C8orf34: variants seen among roughly 807,000 people sequenced by gnomAD.
C8orf34 encodes chromosome 8 open reading frame 34.
Under a neutral mutation model 68.3 loss-of-function variants are expected in C8orf34, and 65 were observed. The observed-to-expected ratio is 0.95, with a 90% CI of 0.78 to 1.17. The LOEUF is 1.17. C8orf34 is among the 50% of genes most tolerant of loss of function. The pLI, the probability that C8orf34 is intolerant of heterozygous loss-of-function variation, is 0.00. For synonymous variants in C8orf34, 244 were observed against 241.2 expected (o/e 1.01, Z -0.11); for missense variants, 664 against 655.4 (o/e 1.01, Z -0.14).
At chr8:68,803,037 A>G (rs1263092677) in intron 12 of C8orf34, among the ~76,000 whole-genome samples, 1 of 152,076 alleles carries the variant, frequency 6.6e-6, no homozygotes, top group African/African-American at 2.4e-5. Context: ...ATATTAAAAT[A>G]TATTCAGGCC....
intron 10 of C8orf34, among the ~76,000 whole-genome samples, chr8:68,759,690 CT>C (rs1291904093): frequency 6.6e-6 from 1 of 152,190 alleles, no homozygotes; most frequent in African/African-American, 2.4e-5. Flanking sequence ...TTCTGACTAC[CT>C]TTCAGATTAT....
chr8:68,796,244 T>C (rs1160350944), intron 12 of C8orf34, among the ~76,000 whole-genome samples: 2 of 152,216 alleles, frequency 1.3e-5, no homozygotes, highest in African/African-American at 4.8e-5. Flanking sequence ...AAGCCTTTGG[T>C]TTATTGCCAG....
At position 68,492,874 on chromosome 8, in the gene C8orf34, G is replaced by GA. The variant is rs555925140; in HGVS notation, c.765+4829dup. ...GCTTCAAGAAGTAGCCCAGTATTCT[G>GA]AAAAAATCCACAGAAAGGCTTTGGA... is the stretch of plus-strand genomic sequence containing the variant. On this transcript the variant is annotated intron_variant, in intron 5 of 13. Transcript: ENST00000518698. 2.3e-3 allele frequency among the ~76,000 whole-genome samples: 351 copies of GA among 151,898 alleles called. 2 individuals are homozygous for GA. The highest frequency in any genetic ancestry group is 3.2e-3 in the Non-Finnish European group (220 of 67,984).
At chr8:68,433,468 T>C (rs1041830122) in intron 1 of C8orf34, among the ~76,000 whole-genome samples, 1 of 152,194 alleles carries the variant, frequency 6.6e-6, no homozygotes, top group Admixed American at 6.5e-5. Context: ...TGGTTTTAAC[T>C]TTGTTTCCTA....
intron 1 of C8orf34, among the ~76,000 whole-genome samples, chr8:68,423,907 A>C (rs1330359860): frequency 2.0e-5 from 3 of 152,134 alleles, no homozygotes; most frequent in Non-Finnish European, 2.9e-5. Context: ...AAACCATCAG[A>C]TCATGTGAAA....
intron 8 of C8orf34, among the ~76,000 whole-genome samples, chr8:68,686,297 C>T (rs2130893030): frequency 6.6e-6 from 1 of 152,074 alleles, no homozygotes; most frequent in Admixed American, 6.6e-5. Context: ...CCACTATCAC[C>T]CTAATACTGA....
chr8:68,530,766 T>C, intron 6 of C8orf34: 1 of 299,386 alleles, frequency 3.3e-6, no homozygotes, highest in Non-Finnish European at 5.0e-6. Context: ...TTAGTCAAAT[T>C]AAAAAATTAC....
rs538524073 is a variant in C8orf34, at chr8:68,774,905, G to A, written c.1405-1494G>A. Among the ~76,000 whole-genome samples the A allele has an allele frequency of 1.3e-4, 17 of 135,728 alleles. 1 individual carries two copies. Among genetic ancestry groups the A allele is most frequent in the Middle Eastern group, 9.2e-3 (2 of 218 alleles). 89.0% of individuals were successfully genotyped at this position (135,728 alleles called of 152,430 possible). On this transcript the variant is annotated intron_variant, in intron 10 of 13. Coordinates refer to ENST00000518698, the MANE Select transcript of C8orf34 (RefSeq NM_052958.4). ...GCAGATTACCTGAAGTCAGGAGTTC[G>A]AGACCACCCTTTCCAACATGATGAA...
intron 10 of C8orf34, among the ~76,000 whole-genome samples, chr8:68,771,172 T>C (rs1823324501): frequency 6.6e-6 from 1 of 152,180 alleles, no homozygotes; most frequent in Admixed American, 6.5e-5. Flanking sequence ...ACATCAATAA[T>C]TTCAAAGACT....
chr8:68,808,441 A>C (rs184627514), intron 12 of C8orf34, among the ~76,000 whole-genome samples: 1 of 152,168 alleles, frequency 6.6e-6, no homozygotes, highest in East Asian at 1.9e-4. Context: ...TTTACTTTTA[A>C]GTATGTACCA....
chr8:68,588,946 C>T (rs1299121084), intron 7 of C8orf34, among the ~76,000 whole-genome samples: 1 of 152,198 alleles, frequency 6.6e-6, no homozygotes, highest in Admixed American at 6.5e-5. Flanking sequence ...TCAGAGTAGC[C>T]ACAGACAGTA....
chr8:68,632,271 C>A (rs1422775027), intron 7 of C8orf34, among the ~76,000 whole-genome samples: 4 of 152,110 alleles, frequency 2.6e-5, no homozygotes, highest in African/African-American at 9.7e-5. Context: ...TGCTCCCACC[C>A]TAGAGGTCTG....
intron 8 of C8orf34, among the ~76,000 whole-genome samples, chr8:68,671,498 G>A: frequency 6.6e-6 from 1 of 152,136 alleles, no homozygotes; most frequent in Non-Finnish European, 1.5e-5. Flanking sequence ...TGAGAACTAA[G>A]TTGTCTCAAT....
At chr8:68,646,997 A>G (rs933433205) in intron 8 of C8orf34, among the ~76,000 whole-genome samples, 1 of 152,166 alleles carries the variant, frequency 6.6e-6, no homozygotes, top group Non-Finnish European at 1.5e-5. Flanking sequence ...GCAACACTGA[A>G]TAGAGCCAAC....
chr8:68,785,160 CACCACT>C (rs2129528938), intron 11 of C8orf34, among the ~76,000 whole-genome samples: 1 of 151,690 alleles, frequency 6.6e-6, no homozygotes, highest in East Asian at 1.9e-4. Flanking sequence ...GTCATTATCT[CACCACT>C]ACACTCCAGC....
At chr8:68,460,258 A>G (rs1185722597) in intron 3 of C8orf34, among the ~76,000 whole-genome samples, 1 of 152,230 alleles carries the variant, frequency 6.6e-6, no homozygotes. Flanking sequence ...GCCATTGCCC[A>G]GGCTTGCTTA....
chr8:68,472,220 G>A (rs746848754), intron 4 of C8orf34, among the ~76,000 whole-genome samples: 3 of 152,026 alleles, frequency 2.0e-5, no homozygotes, highest in Non-Finnish European at 4.4e-5. Context: ...GTGGGTTTTT[G>A]GTGCCTTGAG....
At chr8:68,682,056 G>A (rs1417433152) in intron 8 of C8orf34, among the ~76,000 whole-genome samples, 1 of 152,002 alleles carries the variant, frequency 6.6e-6, no homozygotes, top group Non-Finnish European at 1.5e-5. Flanking sequence ...ATGGCTAATA[G>A]GTATAAAAAT....
intron 7 of C8orf34, among the ~76,000 whole-genome samples, chr8:68,578,172 C>G (rs898784041): frequency 6.6e-6 from 1 of 151,864 alleles, no homozygotes; most frequent in Non-Finnish European, 1.5e-5. Flanking sequence ...ATACATTTTA[C>G]TATAGACTTA....
Sources: allele counts gnomAD v4.1 joint callset (sites outside exome capture counted in the v4.1 genomes callset), GRCh38; gene constraint gnomAD v4.1.1; transcripts MANE v1.5; gene names NCBI Gene and HGNC (gene_info 2026-07-23, HGNC 2026-07-21).